The following UVSSA variants were observed in gnomAD, a reference collection of about 807,000 sequenced individuals.
UVSSA encodes the protein UV-stimulated scaffold protein A.
Under a neutral mutation model 73.9 loss-of-function variants are expected in UVSSA, and 72 were observed. That is an observed-to-expected ratio of 0.97 (90% CI 0.81 to 1.19). The LOEUF (loss-of-function observed/expected upper bound fraction) is 1.19. Among genes scored for constraint, UVSSA ranks in the 50% most tolerant of loss-of-function variants. The pLI, the probability that UVSSA is intolerant of heterozygous loss-of-function variation, is 0.00. For missense variants in UVSSA, 1,150 were observed against 965.0 expected (o/e 1.19, Z -2.54); for synonymous variants, 454 against 391.3 (o/e 1.16, Z -1.89).
downstream of UVSSA, chr4:1,388,859 A>G (rs1368727479): frequency 4.0e-5 from 6 of 151,812 alleles, no homozygotes; most frequent in African/African-American, 1.2e-4. Context: ...GTTTGCTAGG[A>G]TTTTGCATCT....
chr4:1,360,451 T>G (rs1048007244), intron 7 of UVSSA, among the ~76,000 whole-genome samples: 1 of 152,184 alleles, frequency 6.6e-6, no homozygotes. Context: ...CCACCCCATT[T>G]TACAGACAGG....
chr4:1,381,861 TG>T lies in UVSSA; in HGVS notation c.1861+877del, dbSNP rs1577378917. ...TTTGTATTTTTATTTTTAGTAGAGGTGGGGTGGCACTGTATTGCCCAAGCTG... is the reference window on the plus strand; with the variant it reads ...TTTGTATTTTTATTTTTAGTAGAGGTGGGTGGCACTGTATTGCCCAAGCTG... On this transcript the variant is annotated intron_variant, in intron 12 of 13. Transcript: ENST00000389851. Among the ~76,000 whole-genome samples, 4 of 152,050 alleles carry T rather than the reference TG, an allele frequency of 2.6e-5. No homozygotes were observed. In the East Asian group the frequency reaches 7.8e-4, roughly 30 times the overall value.
chr4:1,368,311 G>A (rs1473551520), intron 8 of UVSSA, among the ~76,000 whole-genome samples: 1 of 152,260 alleles, frequency 6.6e-6, no homozygotes, highest in East Asian at 1.9e-4. Flanking sequence ...ACGGGGTGAC[G>A]TGTGGCGTCT....
At chr4:1,394,696 A>C (rs771088218) in exon 14 of UVSSA, 17 of 1,597,028 alleles carry the variant, frequency 1.1e-5, no homozygotes, top group Non-Finnish European at 1.3e-5. Flanking sequence ...GCCCATGTGG[A>C]GTGCCCGCCT....
chr4:1,374,689 C>T (rs568298395), intron 8 of UVSSA, among the ~76,000 whole-genome samples: 3 of 152,324 alleles, frequency 2.0e-5, no homozygotes, highest in African/African-American at 4.8e-5. Context: ...GCCTGGCAGA[C>T]GGAGGGAGTT....
exon 14 of UVSSA, chr4:1,395,900 G>A (rs771051554): frequency 3.6e-5 from 57 of 1,590,170 alleles, no homozygotes; most frequent in Non-Finnish European, 4.8e-5. Flanking sequence ...TTGTAAAATT[G>A]AATTCAGGAC....
downstream of UVSSA, chr4:1,388,495 A>G (rs894521935): frequency 4.6e-5 from 7 of 152,218 alleles, no homozygotes; most frequent in Non-Finnish European, 7.3e-5. Context: ...CTCCAGGACA[A>G]TGTTGAATAG....
At position 1,375,849 on chromosome 4, in the gene UVSSA, G is replaced by A. The variant is rs142891109; in HGVS notation, c.1434-185G>A. Among the ~76,000 whole-genome samples the A allele has an allele frequency of 3.3e-5, 5 of 152,364 alleles. No individual in the cohort carries two copies. The East Asian group carries it at 9.7e-4, about 29-fold the overall frequency. On this transcript the variant is annotated intron_variant, in intron 9 of 13. Transcript: ENST00000389851. ...TGCAGACCAGAGGCCAGCTGTTGGC[G>A]AGGGCCCAGAGCTTCTCACAGGACC...
At chr4:1,364,317 C>G (rs1321679486) in intron 7 of UVSSA, among the ~76,000 whole-genome samples, 1 of 143,376 alleles carries the variant, frequency 7.0e-6, no homozygotes, top group African/African-American at 2.6e-5. Flanking sequence ...TGTGGCCTGG[C>G]TCCGTGGGGG....
rs549714503 is a variant in UVSSA at position 1,351,054 on chromosome 4, C to T, written c.430-661C>T. Reference sequence around the variant, plus strand: ...CCAAGTAGCTGGGACTACAGGCACACGCCACCACACCTGGCTATTTTTTGT... The same window carrying T: ...CCAAGTAGCTGGGACTACAGGCACATGCCACCACACCTGGCTATTTTTTGT... On this transcript the variant is annotated intron_variant, in intron 3 of 13. Coordinates refer to ENST00000389851, the MANE Select transcript of UVSSA (RefSeq NM_020894.4). Among the ~76,000 whole-genome samples, 8 of 152,038 alleles carry T rather than the reference C, an allele frequency of 5.3e-5. No individual in the cohort carries two copies. In the South Asian group the frequency reaches 8.3e-4, roughly 16 times the overall value.
chr4:1,348,177 AG>A lies in UVSSA; in HGVS notation c.87del (p.Ile31PhefsTer9), dbSNP rs778975867. On this transcript the variant is annotated frameshift_variant, in exon 2 of 14. Coordinates refer to ENST00000389851, the MANE Select transcript of UVSSA (RefSeq NM_020894.4). LOFTEE classifies it high-confidence loss of function. ...AATCCTGAGAAAATGAAGGAACTGA[AG>A]AAAATTTGCAAGTATGTCTTAGGGT... ...RLNPEKMKEL[K>X]KICKSSEEQL... 1 of 1,613,682 alleles carries A rather than the reference AG, an allele frequency of 6.2e-7. No individual in the cohort carries two copies. Among genetic ancestry groups the A allele is most frequent in the Middle Eastern group, 1.6e-4 (1 of 6,062 alleles).
intron 7 of UVSSA, among the ~76,000 whole-genome samples, chr4:1,359,817 T>C (rs1430302881): frequency 6.6e-6 from 1 of 152,168 alleles, no homozygotes; most frequent in Non-Finnish European, 1.5e-5. Context: ...CCAGAAGCAT[T>C]CTGCCCTCTG....
exon 14 of UVSSA, chr4:1,395,627 C>T (rs1464924269): frequency 1.9e-6 from 3 of 1,600,184 alleles, no homozygotes; most frequent in Middle Eastern, 1.7e-4. Flanking sequence ...ATGTGGAGTG[C>T]CCGCCTGCTC....
chr4:1,395,408 C>G lies in UVSSA; in HGVS notation c.*9447C>G. Reference sequence around the variant, plus strand: ...TGCTCACACGTGCCCATGTGGAGTGCCCGCCTGCTCACACGTGCCGACGTG... The same window carrying G: ...TGCTCACACGTGCCCATGTGGAGTGGCCGCCTGCTCACACGTGCCGACGTG... On this transcript the variant is annotated 3_prime_UTR_variant, in exon 14 of 14. Coordinates refer to the UVSSA transcript ENST00000511216. 2.5e-6 allele frequency: 4 copies of G among 1,573,456 alleles called. No individual in the cohort carries two copies. The South Asian group carries it at 4.5e-5, about 18-fold the overall frequency.
chr4:1,366,249 C>A, intron 7 of UVSSA, 71 bp from the exon 8 acceptor site: 1 of 1,229,938 alleles, frequency 8.1e-7, no homozygotes, highest in Non-Finnish European at 1.1e-6. Context: ...ATTTCCAGGG[C>A]TCTGCCCACC....
rs1015591430 is a variant in UVSSA, at chr4:1,384,042, C to T, written c.2036+102C>T. The T allele has an allele frequency of 2.9e-6, 4 of 1,363,234 alleles. No individual in the cohort carries two copies. In the African/African-American group the frequency reaches 4.4e-5, roughly 15 times the overall value. 84.4% of individuals were successfully genotyped at this position (1,363,234 alleles called of 1,614,324 possible). A position where few individuals can be genotyped will look rare whatever the true frequency, so the allele number is the denominator to read the frequency against. On this transcript the variant is annotated intron_variant, in intron 13 of 13. Transcript: ENST00000389851. Reference sequence around the variant, plus strand: ...CCAAGATATTCCAGGGACTTGGGGCCTCCAGGGGCTCCCCTGCTTTGAGTT... The same window carrying T: ...CCAAGATATTCCAGGGACTTGGGGCTTCCAGGGGCTCCCCTGCTTTGAGTT...
downstream of UVSSA, chr4:1,390,657 A>G (rs888503191): frequency 6.6e-6 from 1 of 152,270 alleles, no homozygotes; most frequent in Admixed American, 6.5e-5. Flanking sequence ...TTTTATATGT[A>G]TTGAGAGTTA....
chr4:1,345,087 C>T (rs1190131665), upstream of UVSSA, among the ~76,000 whole-genome samples: 1 of 152,124 alleles, frequency 6.6e-6, no homozygotes, highest in Non-Finnish European at 1.5e-5. Context: ...CGACCTTAGA[C>T]TTTCAAAGGT....
At chr4:1,366,822 C>T (rs1011756259) in intron 8 of UVSSA, among the ~76,000 whole-genome samples, 1 of 152,182 alleles carries the variant, frequency 6.6e-6, no homozygotes. Context: ...CCCAGCACAC[C>T]GGCCTGCTGT....
Sources: gnomAD v4.1 joint callset for allele counts (sites outside exome capture counted in the v4.1 genomes callset) on GRCh38, gnomAD v4.1.1 for gene constraint, MANE v1.5 for transcripts, NCBI Gene and HGNC (gene_info 2026-07-23, HGNC 2026-07-21) for gene names.